The following APP variants were observed in gnomAD, a reference collection of about 807,000 sequenced individuals.
The protein encoded by APP is amyloid-beta precursor protein.
In APP, 31 loss-of-function variants were observed where a neutral mutation model predicts 101.4. That is an observed-to-expected ratio of 0.31 (90% CI 0.23 to 0.41). The LOEUF (loss-of-function observed/expected upper bound fraction) is 0.41, where lower values mean the gene tolerates loss of function less well. Among genes scored for constraint, APP ranks in the 10% least tolerant of loss-of-function variants. The pLI, the probability that APP is intolerant of heterozygous loss-of-function variation, is 1.00. For missense variants in APP, 839 were observed against 1,003.7 expected (o/e 0.84, Z 2.22); for synonymous variants, 366 against 364.4 (o/e 1.00, Z -0.05).
At chr21:25,999,494 AT>A (rs759850369) in intron 7 of APP, among the ~76,000 whole-genome samples, 4 of 152,120 alleles carry the variant, frequency 2.6e-5, no homozygotes, top group Non-Finnish European at 5.9e-5. Context: ...ATTCAATCAC[AT>A]TCCCTCATCA....
intron 1 of APP, among the ~76,000 whole-genome samples, chr21:26,145,906 T>C (rs1260396654): frequency 7.2e-6 from 1 of 138,244 alleles, no homozygotes; most frequent in African/African-American, 2.9e-5. Context: ...AATATTCTAC[T>C]GTATAAGAGT....
intron 15 of APP, among the ~76,000 whole-genome samples, chr21:25,904,640 C>T (rs1233516545): frequency 1.3e-5 from 2 of 152,090 alleles, no homozygotes; most frequent in African/African-American, 4.8e-5. Context: ...GATGTTCACA[C>T]TGGTATCCAA....
At chr21:26,101,723 A>G (rs1300398973) in intron 2 of APP, among the ~76,000 whole-genome samples, 1 of 152,182 alleles carries the variant, frequency 6.6e-6, no homozygotes, top group Non-Finnish European at 1.5e-5. Flanking sequence ...TCTTGGAAAC[A>G]AGCTAATTTT....
chr21:25,980,799 T>C (rs535599417), intron 9 of APP, among the ~76,000 whole-genome samples: 49 of 152,292 alleles, frequency 3.2e-4, no homozygotes, highest in African/African-American at 1.1e-3. Context: ...AGGAGATGAT[T>C]ATCATGGAAA....
intron 13 of APP, among the ~76,000 whole-genome samples, chr21:25,953,810 G>A (rs2041196629): frequency 6.6e-6 from 1 of 152,110 alleles, no homozygotes; most frequent in African/African-American, 2.4e-5. Context: ...TAGTCATTAG[G>A]AAAACTAGGG....
chr21:25,910,085 A>G (rs903309138), intron 14 of APP, among the ~76,000 whole-genome samples: 8 of 152,074 alleles, frequency 5.3e-5, no homozygotes, highest in African/African-American at 1.9e-4. Context: ...ATTTAGATTT[A>G]GTACTAATTG....
intron 17 of APP, among the ~76,000 whole-genome samples, chr21:25,884,440 C>T (rs1199854700): frequency 6.6e-6 from 1 of 152,238 alleles, no homozygotes; most frequent in African/African-American, 2.4e-5. Flanking sequence ...TTTCCTTATC[C>T]TCTCCTCTTT....
At chr21:25,980,169 G>C (rs2042375023) in intron 9 of APP, among the ~76,000 whole-genome samples, 1 of 152,214 alleles carries the variant, frequency 6.6e-6, no homozygotes, top group East Asian at 1.9e-4. Flanking sequence ...CAGAAAGCAA[G>C]GGTAGCAGTT....
intron 1 of APP, among the ~76,000 whole-genome samples, chr21:26,147,606 GAA>G (rs35269152): frequency 4.0e-5 from 6 of 150,670 alleles, no homozygotes; most frequent in African/African-American, 9.8e-5. Context: ...TAACTTAAAA[GAA>G]AAAAAAAATC....
chr21:25,931,638 T>C (rs573707442), intron 13 of APP, among the ~76,000 whole-genome samples: 2 of 152,246 alleles, frequency 1.3e-5, no homozygotes, highest in Non-Finnish European at 2.9e-5. Flanking sequence ...GCCAGAAAGA[T>C]ATTTCAGGAA....
At chr21:26,166,482 C>G (rs2063613065) in intron 1 of APP, among the ~76,000 whole-genome samples, 1 of 152,056 alleles carries the variant, frequency 6.6e-6, no homozygotes. Context: ...TTCTTCAGCC[C>G]TTTTCTGTCT....
intron 3 of APP, among the ~76,000 whole-genome samples, chr21:26,076,731 C>A (rs753463037): frequency 2.6e-5 from 4 of 152,180 alleles, no homozygotes; most frequent in African/African-American, 4.8e-5. Flanking sequence ...AAAGTTAGGA[C>A]GCCTTTAACA....
At chr21:26,137,586 G>A (rs2062948760) in intron 1 of APP, among the ~76,000 whole-genome samples, 1 of 152,070 alleles carries the variant, frequency 6.6e-6, no homozygotes, top group Admixed American at 6.6e-5. Context: ...TTTCCTCACT[G>A]GGAGTTAGAA....
chr21:25,917,963 A>C (rs2039435523), intron 13 of APP, among the ~76,000 whole-genome samples: 1 of 152,016 alleles, frequency 6.6e-6, no homozygotes, highest in Non-Finnish European at 1.5e-5. Flanking sequence ...AGAGAAATGC[A>C]AATCAAAACC....
At chr21:25,986,746 G>A (rs193047526) in intron 8 of APP, among the ~76,000 whole-genome samples, 46 of 152,142 alleles carry the variant, frequency 3.0e-4, no homozygotes, top group Admixed American at 3.0e-3. Context: ...TTTCCATGTT[G>A]GCACTCCGTC....
chr21:26,004,456 A>G (rs80051103), intron 6 of APP, among the ~76,000 whole-genome samples: 61 of 146,172 alleles, frequency 4.2e-4, no homozygotes, highest in African/African-American at 1.5e-3. Flanking sequence ...CACACCGGCT[A>G]ATTTTTTTCG....
chr21:25,909,449 CA>C (rs2038957155), intron 14 of APP, among the ~76,000 whole-genome samples: 1 of 152,112 alleles, frequency 6.6e-6, no homozygotes, highest in Middle Eastern at 3.2e-3. Flanking sequence ...CAGAATCATC[CA>C]ACAAGAATAT....
rs2146189137 is a variant in APP, at chr21:25,880,775, G to A, written c.*895C>T. 6.6e-6 allele frequency: 1 copy of A among 152,306 alleles called. No homozygotes were observed. The allele number at this position is 152,306 out of a possible 1,614,324, so 9.4% of individuals were successfully genotyped here. The stretch of plus-strand genomic sequence containing the variant: ...TTACTTCGATTATTTAATGTCTGTA[G>A]TCATCCTTCAAAGAAAAGTCTTGCC... On this transcript the variant is annotated 3_prime_UTR_variant, in exon 18 of 18. Transcript: ENST00000346798.
At chr21:26,000,863 ATAT>A (rs1260257161) in intron 6 of APP, among the ~76,000 whole-genome samples, 1 of 151,424 alleles carries the variant, frequency 6.6e-6, no homozygotes, top group Non-Finnish European at 1.5e-5. Flanking sequence ...ATGTATTTAT[ATAT>A]TATACATTAA....
Sources: gnomAD v4.1 joint callset for allele counts (sites outside exome capture counted in the v4.1 genomes callset) on GRCh38, gnomAD v4.1.1 for gene constraint, MANE v1.5 for transcripts, NCBI Gene and HGNC (gene_info 2026-07-23, HGNC 2026-07-21) for gene names.